Variants in MAML1 observed in about 807,000 individuals in gnomAD.
The protein encoded by MAML1 is mastermind like transcriptional coactivator 1, also known as mastermind-like protein 1.
In MAML1, 14 loss-of-function variants were observed where a neutral mutation model predicts 77.1. That is an observed-to-expected ratio of 0.18 (90% CI 0.12 to 0.28). MAML1 has a LOEUF of 0.28. MAML1 is among the 10% of genes least tolerant of loss of function. MAML1 has a pLI of 1.00. For missense variants in MAML1, 1,217 were observed against 1,327.8 expected (o/e 0.92, Z 1.30); for synonymous variants, 516 against 551.9 (o/e 0.93, Z 0.91).
chr5:179,735,223 G>A (rs1779144276), intron 1 of MAML1, among the ~76,000 whole-genome samples: 1 of 151,956 alleles, frequency 6.6e-6, no homozygotes. Context: ...TTTAAAGGCC[G>A]CCTGTGGGAC....
At chr5:179,767,147 T>C (rs1424074626) in intron 2 of MAML1, among the ~76,000 whole-genome samples, 1 of 147,792 alleles carries the variant, frequency 6.8e-6, no homozygotes, top group Non-Finnish European at 1.5e-5. Context: ...ATGTACAAAA[T>C]TCCCTAATTT....
At chr5:179,773,334 C>T (rs1756045146) in intron 4 of MAML1, among the ~76,000 whole-genome samples, 1 of 152,252 alleles carries the variant, frequency 6.6e-6, no homozygotes, top group Non-Finnish European at 1.5e-5. Context: ...TTTTCTGACT[C>T]TGCCTTTGCA....
chr5:179,747,422 C>T (rs1025987218), intron 1 of MAML1, among the ~76,000 whole-genome samples: 1 of 152,138 alleles, frequency 6.6e-6, no homozygotes, highest in South Asian at 2.1e-4. Flanking sequence ...CTTCATTGAT[C>T]ACACTAGGAG....
chr5:179,749,663 A>G (rs72809792), intron 1 of MAML1, among the ~76,000 whole-genome samples: 5,616 of 152,288 alleles, frequency 0.037, 128 homozygotes, highest in African/African-American at 0.053. Context: ...AGTAAGACAC[A>G]GATACAGCAA....
Position 179,774,730 on chromosome 5 carries a change from G to A in MAML1, c.2904G>A (p.Gln968=), listed in dbSNP as rs765595572. The A allele has an allele frequency of 1.9e-6, 3 of 1,611,918 alleles. No homozygotes were observed. The highest frequency in any genetic ancestry group is 3.3e-5 in the Admixed American group (2 of 60,034). ...TQAYPVRTAG[Q]ELPFAYSGQP... The stretch of plus-strand genomic sequence containing the variant: ...CCTACCCTGTGCGGACCGCGGGCCA[G>A]GAGCTGCCTTTTGCCTATAGCGGGC... The change falls in exon 5 of 5, where the codon CAG becomes CAA. Residue 968 remains glutamine (Q), a synonymous_variant. Coordinates refer to ENST00000292599, the MANE Select transcript of MAML1 (RefSeq NM_014757.5).
rs1402625694 is a variant in MAML1 at position 179,733,126 on chromosome 5, C to T, written c.14C>T (p.Thr5Ile). 7.0e-6 allele frequency: 10 copies of T among 1,438,132 alleles called. No homozygotes were observed. The highest frequency in any genetic ancestry group is 2.5e-5 in the Admixed American group (1 of 39,282). 89.1% of individuals were successfully genotyped at this position (1,438,132 alleles called of 1,614,324 possible). The change falls in exon 1 of 5, where the codon ACC becomes ATC. Residue 5 changes from threonine (T) to isoleucine (I), a missense_variant. Around this residue, in one of 3 missense-constraint regions of MAML1, gnomAD observed 312 missense variants for 331.4 expected, o/e 0.94. Transcript: ENST00000292599. Reference sequence around the variant, plus strand: ...AGCCCGCGGCCCATGGTGCTGCCCACCTGCCCCATGGCGGAGTTCGCGCTG... The same window carrying T: ...AGCCCGCGGCCCATGGTGCTGCCCATCTGCCCCATGGCGGAGTTCGCGCTG... MVLPTCPMAEFALPR... is the reference protein window; with the variant it reads MVLPICPMAEFALPR...
intron 1 of MAML1, among the ~76,000 whole-genome samples, chr5:179,746,382 T>G (rs193237942): frequency 8.0e-4 from 122 of 152,246 alleles, no homozygotes; most frequent in African/African-American, 2.8e-3. Flanking sequence ...AGCAATGTTT[T>G]GTTTTTTTTG....
chr5:179,735,385 T>TTTTA (rs994023102), intron 1 of MAML1, among the ~76,000 whole-genome samples: 6 of 152,070 alleles, frequency 3.9e-5, no homozygotes, highest in East Asian at 1.9e-4. Flanking sequence ...ATGCTATTTG[T>TTTTA]TTTATTTATT....
At chr5:179,755,005 A>C (rs565534569) in intron 1 of MAML1, among the ~76,000 whole-genome samples, 30 of 152,310 alleles carry the variant, frequency 2.0e-4, no homozygotes, top group African/African-American at 7.0e-4. Context: ...AGAGTTGATA[A>C]GACGCTAAAA....
chr5:179,766,198 C>T lies in MAML1; in HGVS notation c.1188C>T (p.Ala396=). 1 of 1,609,720 alleles carries T rather than the reference C, an allele frequency of 6.2e-7. No homozygotes were observed. Among genetic ancestry groups the T allele is most frequent in the Non-Finnish European group, 8.5e-7 (1 of 1,177,760 alleles). ...GAGGGGCCTCAGAGCTGTCCTCTGC[C>T]CACCAGCTCCAGCAGATCGCTGCCA... ...GPGGASELSS[A]HQLQQIAAKQ... The change falls in exon 2 of 5, where the codon GCC becomes GCT. Residue 396 remains alanine (A), a synonymous_variant. Coordinates refer to ENST00000292599, the MANE Select transcript of MAML1 (RefSeq NM_014757.5). This position sits in a 1 kb window ranked among gnomAD's most constrained non-coding sequence, Gnocchi z 4.0.
intron 1 of MAML1, among the ~76,000 whole-genome samples, chr5:179,755,977 G>T (rs1779606919): frequency 6.6e-6 from 1 of 151,080 alleles, no homozygotes; most frequent in Admixed American, 6.6e-5. Flanking sequence ...TGTTGGCCAG[G>T]CTGGTCTCGA....
chr5:179,769,215 G>A lies in MAML1; in HGVS notation c.1971+126G>A. The A allele has an allele frequency of 2.9e-6, 4 of 1,357,606 alleles. No individual in the cohort carries two copies. The highest frequency in any genetic ancestry group is 4.0e-6 in the Non-Finnish European group (4 of 992,686). The allele number at this position is 1,357,606 out of a possible 1,614,324, so 84.1% of individuals were successfully genotyped here. A position where few individuals can be genotyped will look rare whatever the true frequency, so the allele number is the denominator to read the frequency against. ...AGACTTGCGTGCCTGTTGTTAGAGTGCTTTGCCTTTTAAAAACATCTTTCC... is the reference window on the plus strand; with the variant it reads ...AGACTTGCGTGCCTGTTGTTAGAGTACTTTGCCTTTTAAAAACATCTTTCC... On this transcript the variant is annotated intron_variant, in intron 3 of 4. Transcript: ENST00000292599. The surrounding 1 kb of genome is among the most constrained non-coding windows in gnomAD (Gnocchi z 4.2).
intron 1 of MAML1, among the ~76,000 whole-genome samples, chr5:179,753,225 G>A (rs1337816946): frequency 4.0e-5 from 1 of 24,726 alleles, no homozygotes; most frequent in Non-Finnish European, 1.5e-4. Context: ...GTGTGTGTGC[G>A]CGCGCGCGCG....
Position 179,775,466 on chromosome 5 carries a change from G to C in MAML1, c.*589G>C, listed in dbSNP as rs1250166802. ...TTCTGCTCTTTGTCAGCTTTCAGGG[G>C]AGAAGGAGGCCACTGGAAAATTATT... On this transcript the variant is annotated 3_prime_UTR_variant, in exon 5 of 5. Coordinates refer to ENST00000292599, the MANE Select transcript of MAML1 (RefSeq NM_014757.5). 8 of 985,258 alleles carry C rather than the reference G, an allele frequency of 8.1e-6. No homozygotes were observed. The highest frequency in any genetic ancestry group is 1.7e-5 in the African/African-American group (1 of 57,208). 61.0% of individuals were successfully genotyped at this position (985,258 alleles called of 1,614,324 possible).
Position 179,765,458 on chromosome 5 carries a change from A to G in MAML1, c.448A>G (p.Ile150Val), listed in dbSNP as rs147120877. The stretch of plus-strand genomic sequence containing the variant: ...CCGGGAGGCCCCTCTGGGAGTTGCC[A>G]TCTCTTCCAATGGACTGCCTCCAGC... ...TRREAPLGVAISSNGLPPASP... is the reference protein window; with the variant it reads ...TRREAPLGVAVSSNGLPPASP... The change falls in exon 2 of 5, where the codon ATC becomes GTC. Residue 150 changes from isoleucine to valine, a missense_variant. Around this residue, in one of 3 missense-constraint regions of MAML1, gnomAD observed 312 missense variants for 331.4 expected, o/e 0.94. Transcript: ENST00000292599. 5.0e-6 allele frequency: 8 copies of G among 1,614,038 alleles called. No homozygotes were observed. Among genetic ancestry groups the G allele is most frequent in the East Asian group, 2.2e-5 (1 of 44,894 alleles).
chr5:179,774,043 C>T lies in MAML1; in HGVS notation c.2217C>T (p.Asp739=). Residue 739 remains aspartate, a synonymous_variant, in exon 5 of 5, where the codon GAC becomes GAT. Transcript: ENST00000292599. Reference sequence around the variant, plus strand: ...TCCCCACAAACTCAGGCCAACAGGACCGGGGTGTGGCTCAGTTCCCTGGCT... The same window carrying T: ...TCCCCACAAACTCAGGCCAACAGGATCGGGGTGTGGCTCAGTTCCCTGGCT... The part of the protein sequence containing the change: ...SSLPTNSGQQ[D]RGVAQFPGSQ... 3.1e-6 allele frequency: 5 copies of T among 1,614,186 alleles called. No individual in the cohort carries two copies. Among genetic ancestry groups the T allele is most frequent in the Non-Finnish European group, 4.2e-6 (5 of 1,180,040 alleles).
chr5:179,733,042 G>A lies in MAML1; in HGVS notation c.-71G>A. On this transcript the variant is annotated 5_prime_UTR_variant, in exon 1 of 5. Transcript: ENST00000292599. The stretch of plus-strand genomic sequence containing the variant: ...TGAGGCGGAGAGGGGTAGCCGCGGG[G>A]AGCGAAGCCCGCAGTGCCAGCCGGC... The A allele has an allele frequency of 1.0e-6, 1 of 979,864 alleles. No individual in the cohort carries two copies. The highest frequency in any genetic ancestry group is 1.3e-6 in the Non-Finnish European group (1 of 761,788). 60.7% of individuals were successfully genotyped at this position (979,864 alleles called of 1,614,324 possible).
intron 1 of MAML1, among the ~76,000 whole-genome samples, chr5:179,742,963 G>C (rs553920274): frequency 6.6e-6 from 1 of 151,984 alleles, no homozygotes; most frequent in African/African-American, 2.4e-5. Flanking sequence ...AAGGCAAGAA[G>C]GTGAGTTAGG....
At chr5:179,737,170 G>T (rs749014905) in intron 1 of MAML1, among the ~76,000 whole-genome samples, 3 of 152,140 alleles carry the variant, frequency 2.0e-5, no homozygotes, top group African/African-American at 7.2e-5. Context: ...TTAATCAGAT[G>T]TGCCATGTTA....
Sources: gnomAD v4.1 joint callset for allele counts (sites outside exome capture counted in the v4.1 genomes callset) on GRCh38, gnomAD v4.1.1 for gene constraint, gnomAD v4.1.1 regional missense constraint, Gnocchi (gnomAD v3.1) non-coding constraint, MANE v1.5 for transcripts, NCBI Gene and HGNC (gene_info 2026-07-23, HGNC 2026-07-21) for gene names.